Variants in NKPD1 observed in about 807,000 individuals in gnomAD.
NKPD1 encodes NTPase KAP family P-loop domain containing 1.
A neutral mutation model predicts 42.2 loss-of-function variants in NKPD1; 37 were observed. The ratio of observed to expected loss-of-function variants is 0.88; its 90% CI spans 0.67 to 1.15. The LOEUF is 1.15. Among genes scored for constraint, NKPD1 ranks in the 50% most tolerant of loss-of-function variants. The pLI is 0.00. For missense variants in NKPD1, 1,113 were observed against 1,174.6 expected, an observed-to-expected ratio of 0.95 and a Z score of 0.77; for synonymous variants, 552 against 536.5, an observed-to-expected ratio of 1.03 and a Z score of -0.40.
At chr19:45,159,201 G>T in intron 2 of NKPD1, 101 bp from the exon 3 acceptor site, 1 of 1,131,464 alleles carries the variant, frequency 8.8e-7, no homozygotes, top group Non-Finnish European at 1.1e-6. Context: ...GGGGGCCAGA[G>T]TATTCTTGGG....
chr19:45,154,872 A>G (rs921004102), intron 4 of NKPD1, among the ~76,000 whole-genome samples: 1 of 152,054 alleles, frequency 6.6e-6, no homozygotes, highest in African/African-American at 2.4e-5. Flanking sequence ...TAAAAATACA[A>G]AAATTAGCCG....
chr19:45,156,886 G>A (rs1678355257), intron 3 of NKPD1, among the ~76,000 whole-genome samples: 1 of 152,222 alleles, frequency 6.6e-6, no homozygotes, highest in African/African-American at 2.4e-5. Context: ...GCAGACTCAG[G>A]AGTAGTTCTA....
chr19:45,156,602 CT>C (rs1968907452), intron 3 of NKPD1, among the ~76,000 whole-genome samples: 1 of 152,240 alleles, frequency 6.6e-6, no homozygotes, highest in Non-Finnish European at 1.5e-5. Flanking sequence ...GCGCCGGGCC[CT>C]TGGTCAATGT....
rs1285304283 is a variant in NKPD1, at chr19:45,160,150, T to TGGCAGCCG, written c.-8_-1dup. 3.1e-6 allele frequency: 4 copies of TGGCAGCCG among 1,304,456 alleles called. No individual in the cohort carries two copies. Among genetic ancestry groups the TGGCAGCCG allele is most frequent in the Non-Finnish European group, 4.0e-6 (4 of 988,412 alleles). The allele number at this position is 1,304,456 out of a possible 1,614,324, so 80.8% of individuals were successfully genotyped here. A position where few individuals can be genotyped will look rare whatever the true frequency, so the allele number is the denominator to read the frequency against. ...AAGTGGACTTTGTAATGTTTGTGCATGGCAGCCGGGCAGCTGGGTGCTGGG... is the reference window on the plus strand; with the variant it reads ...AAGTGGACTTTGTAATGTTTGTGCATGGCAGCCGGGCAGCCGGGCAGCTGGGTGCTGGG... On this transcript the variant is annotated 5_prime_UTR_variant, in exon 2 of 5. Coordinates refer to ENST00000686631, the MANE Select transcript of NKPD1 (RefSeq NM_198478.4).
chr19:45,153,009 G>A lies in NKPD1; in HGVS notation c.1428C>T (p.Ile476=). Residue 476 remains isoleucine (I), a synonymous_variant, in exon 5 of 5, where the codon ATC becomes ATT. Coordinates refer to ENST00000686631, the MANE Select transcript of NKPD1 (RefSeq NM_198478.4). Reference sequence around the variant, plus strand: ...CGTGGCTGTCGGACAGCAGCGTGTTGATGGCGTTGAGCACGCCCACCACGC... The same window carrying A: ...CGTGGCTGTCGGACAGCAGCGTGTTAATGGCGTTGAGCACGCCCACCACGC... ...PERVVGVLNA[I]NTLLSDSHAP... is the part of the protein sequence containing the mutation. The A allele has an allele frequency of 2.5e-6, 4 of 1,586,118 alleles. No homozygotes were observed. Among genetic ancestry groups the A allele is most frequent in the Non-Finnish European group, 3.4e-6 (4 of 1,165,456 alleles).
chr19:45,154,188 A>G (rs1335518176), intron 4 of NKPD1, among the ~76,000 whole-genome samples: 2 of 152,152 alleles, frequency 1.3e-5, no homozygotes, highest in African/African-American at 2.4e-5. Flanking sequence ...AATGAATGAG[A>G]TGCTGAGGAG....
Position 45,152,862 on chromosome 19 carries a change from C to G in NKPD1, c.1575G>C (p.Leu525=), listed in dbSNP as rs1307225739. Residue 525 remains leucine, a synonymous_variant, in exon 5 of 5, where the codon CTG becomes CTC. Coordinates refer to ENST00000686631, the MANE Select transcript of NKPD1 (RefSeq NM_198478.4). Reference sequence around the variant, plus strand: ...GGCCCATAATGGGCACAGAGAAGGGCAGCGTGACAGTGCGGTTGAGGAAGA... The same window carrying G: ...GGCCCATAATGGGCACAGAGAAGGGGAGCGTGACAGTGCGGTTGAGGAAGA... The part of the protein sequence containing the change: ...GYLFLNRTVT[L]PFSVPIMGRR... 5.7e-6 allele frequency: 9 copies of G among 1,590,204 alleles called. No individual in the cohort carries two copies. The highest frequency in any genetic ancestry group is 7.7e-6 in the Non-Finnish European group (9 of 1,165,502).
chr19:45,150,972 TGGG>T lies in NKPD1; in HGVS notation c.*963_*965del, dbSNP rs1968766194. Reference sequence around the variant, plus strand: ...GCCCCTGCCGGCACACACTTGGAACTGGGCCAGGCACCCCAGGGCCTGAGCGTG... The same window carrying T: ...GCCCCTGCCGGCACACACTTGGAACTCCAGGCACCCCAGGGCCTGAGCGTG... On this transcript the variant is annotated 3_prime_UTR_variant, in exon 5 of 5. Transcript: ENST00000686631. 1 of 152,354 alleles carries T rather than the reference TGGG, an allele frequency of 6.6e-6. No homozygotes were observed. The highest frequency in any genetic ancestry group is 2.4e-5 in the African/African-American group (1 of 41,462). The allele number at this position is 152,354 out of a possible 1,614,324, so 9.4% of individuals were successfully genotyped here.
Position 45,158,092 on chromosome 19 carries a change from T to C in NKPD1, c.529+571A>G, listed in dbSNP as rs185816056. Among the ~76,000 whole-genome samples the C allele has an allele frequency of 1.3e-5, 2 of 152,156 alleles. No homozygotes were observed. The highest frequency in any genetic ancestry group is 1.9e-4 in the East Asian group (1 of 5,200). On this transcript the variant is annotated intron_variant, in intron 3 of 4. Coordinates refer to ENST00000686631, the MANE Select transcript of NKPD1 (RefSeq NM_198478.4). This position sits in a 1 kb window ranked among gnomAD's most constrained non-coding sequence, Gnocchi z 4.6. ...CGGCTGCAATGCAATGTGAGCCCCA[T>C]GAAGACAAGAGATGTCTGTTGATCC... is the stretch of plus-strand genomic sequence containing the variant.
At position 45,153,487 on chromosome 19, in the gene NKPD1, G is replaced by A. The variant is rs958630802; in HGVS notation, c.950C>T (p.Ser317Leu). The change falls in exon 5 of 5, where the codon TCG becomes TTG. Residue 317 changes from serine to leucine, a missense_variant. Ser to Leu is a moderately radical substitution (Grantham distance 145). Transcript: ENST00000686631. The part of the protein sequence containing the change: ...HYGALPFSVY[S>L]VLGNKPATRQ... ...GGTGGCCGGCTTGTTGCCCAGCACC[G>A]AGTACACGCTGAAGGGCAGTGCGCC... The A allele has an allele frequency of 6.4e-7, 1 of 1,556,562 alleles. No homozygotes were observed. Among genetic ancestry groups the A allele is most frequent in the East Asian group, 2.4e-5 (1 of 42,352 alleles).
At chr19:45,155,956 G>A in intron 3 of NKPD1, 40 bp from the exon 4 acceptor site, 7 of 1,291,696 alleles carry the variant, frequency 5.4e-6, no homozygotes, top group Non-Finnish European at 7.2e-6. Context: ...AGGACCACTG[G>A]CCAGGCACCA....
chr19:45,153,658 A>G lies in NKPD1; in HGVS notation c.779T>C (p.Leu260Pro). ...GTGCACCTCGGTGATGATGGGCTGCAGGAACACCAGGTACCACAGTAGCTG... is the reference window on the plus strand; with the variant it reads ...GTGCACCTCGGTGATGATGGGCTGCGGGAACACCAGGTACCACAGTAGCTG... The part of the protein sequence containing the change: ...VPQLLWYLVF[L>P]QPIITEVHLR... The change falls in exon 5 of 5, where the codon CTG becomes CCG. Residue 260 changes from leucine (L) to proline (P), a missense_variant. Physicochemically the swap from Leu to Pro is moderately conservative, Grantham distance 98. Around this residue, in one of 3 missense-constraint regions of NKPD1, gnomAD observed 867 missense variants for 870.1 expected, o/e 1.00. Coordinates refer to ENST00000686631, the MANE Select transcript of NKPD1 (RefSeq NM_198478.4). 1.3e-6 allele frequency: 2 copies of G among 1,578,488 alleles called. No individual in the cohort carries two copies. The highest frequency in any genetic ancestry group is 1.7e-6 in the Non-Finnish European group (2 of 1,162,408).
chr19:45,156,631 A>T (rs1968907953), intron 3 of NKPD1, among the ~76,000 whole-genome samples: 1 of 152,178 alleles, frequency 6.6e-6, no homozygotes, highest in Non-Finnish European at 1.5e-5. Flanking sequence ...TCCAGTGGCC[A>T]TTTAGGGCCC....
Position 45,152,719 on chromosome 19 carries a change from AGCTGCGCGCTCTCGCCCCCG to A in NKPD1, c.1698_1717del (p.Gly567AlafsTer281). ...CCCCGCCTGCGCCTGCACCGCCAGC[AGCTGCGCGCTCTCGCCCCCG>A]GCGTCCCCCGGCAGCCACGGCTTGC... is the stretch of plus-strand genomic sequence containing the variant. On this transcript the variant is annotated frameshift_variant, in exon 5 of 5. Coordinates refer to ENST00000686631, the MANE Select transcript of NKPD1 (RefSeq NM_198478.4). LOFTEE classifies it low-confidence loss of function (END_TRUNC). 2.5e-6 allele frequency: 4 copies of A among 1,571,570 alleles called. No homozygotes were observed. The highest frequency in any genetic ancestry group is 3.4e-6 in the Non-Finnish European group (4 of 1,163,006).
chr19:45,153,870 A>G (rs1293334023), intron 4 of NKPD1, 95 bp from the exon 5 acceptor site: 3 of 1,253,458 alleles, frequency 2.4e-6, no homozygotes, highest in Non-Finnish European at 3.1e-6. Context: ...TGGAGAGGCG[A>G]GGGGCGCCCA....
rs907106761 is a variant in NKPD1 at position 45,152,404 on chromosome 19, T to A, written c.2033A>T (p.Gln678Leu). The change falls in exon 5 of 5, where the codon CAG becomes CTG. Residue 678 changes from glutamine (Q) to leucine (L), a missense_variant. Gln to Leu is a moderately radical substitution (Grantham distance 113, BLOSUM62 -2). Coordinates refer to ENST00000686631, the MANE Select transcript of NKPD1 (RefSeq NM_198478.4). The stretch of plus-strand genomic sequence containing the variant: ...GCCCTCGGGCGCGCCCCCGGTCTGC[T>A]GCCGGTCCTCCAGGCACTGCAGCGC... ...SWALQCLEDRQQTGGAPEGRA... is the reference protein window; with the variant it reads ...SWALQCLEDRLQTGGAPEGRA... The A allele has an allele frequency of 6.3e-7, 1 of 1,575,326 alleles. No individual in the cohort carries two copies.
chr19:45,162,030 G>T (rs751787361), upstream of NKPD1, among the ~76,000 whole-genome samples: 32 of 152,046 alleles, frequency 2.1e-4, no homozygotes, highest in Non-Finnish European at 3.7e-4. Context: ...CTCTGGGAAG[G>T]TTCCTCCCTG....
At position 45,153,767 on chromosome 19, in the gene NKPD1, G is replaced by GC; in HGVS notation, c.669dup (p.Gln224AlafsTer59). 2 of 1,480,614 alleles carry GC rather than the reference G, an allele frequency of 1.4e-6. No individual in the cohort carries two copies. Among genetic ancestry groups the GC allele is most frequent in the Non-Finnish European group, 1.8e-6 (2 of 1,111,328 alleles). The allele number at this position is 1,480,614 out of a possible 1,614,324, so 91.7% of individuals were successfully genotyped here. ...CTCTCGCGCTGCGCGGCCTCCTGCT[G>GC]CATCAGCGCTGCGGGAAGGGAGCCC... On this transcript the variant is annotated frameshift_variant, in exon 5 of 5. Transcript: ENST00000686631. LOFTEE classifies it high-confidence loss of function.
In NKPD1 at chr19:45,160,135, T is replaced by C. The variant is rs1050987551; in HGVS notation, c.16A>G (p.Lys6Glu). 1.7e-5 allele frequency: 22 copies of C among 1,304,796 alleles called. No individual in the cohort carries two copies. In the Admixed American group the frequency reaches 3.9e-4, roughly 23 times the overall value. 80.8% of individuals were successfully genotyped at this position (1,304,796 alleles called of 1,614,324 possible). Residue 6 changes from lysine to glutamate, a missense_variant, in exon 2 of 5, where the codon AAA becomes GAA. This residue lies in a region of NKPD1 where 204 missense variants were observed against 227.8 expected (regional missense o/e 0.90). Transcript: ENST00000686631. MHKHYKVHFAKDAQSP... is the reference protein window; with the variant it reads MHKHYEVHFAKDAQSP... Reference sequence around the variant, plus strand: ...TGGGCATCCTTGGCGAAGTGGACTTTGTAATGTTTGTGCATGGCAGCCGGG... The same window carrying C: ...TGGGCATCCTTGGCGAAGTGGACTTCGTAATGTTTGTGCATGGCAGCCGGG...
Sources: allele counts gnomAD v4.1 joint callset (sites outside exome capture counted in the v4.1 genomes callset), GRCh38; gene constraint gnomAD v4.1.1; regional missense constraint gnomAD v4.1.1; non-coding constraint Gnocchi (gnomAD v3.1); transcripts MANE v1.5; gene names NCBI Gene and HGNC (gene_info 2026-07-23, HGNC 2026-07-21).